SYTL1: variants seen among roughly 807,000 people sequenced by gnomAD.
SYTL1 encodes the protein synaptotagmin-like protein 1.
A neutral mutation model predicts 74.6 loss-of-function variants in SYTL1; 53 were observed. That is an observed-to-expected ratio of 0.71 (90% CI 0.57 to 0.89). SYTL1 has a LOEUF of 0.89. SYTL1 is among the 40% of genes least tolerant of loss of function. The pLI, the probability that SYTL1 is intolerant of heterozygous loss-of-function variation, is 0.00. For missense variants in SYTL1, 728 were observed against 768.7 expected, an observed-to-expected ratio of 0.95 and a Z score of 0.63; for synonymous variants, 329 against 324.9, an observed-to-expected ratio of 1.01 and a Z score of -0.14.
intron 14 of SYTL1, 44 bp downstream of exon 14, chr1:27,353,532 G>C (rs1208209441): frequency 6.4e-7 from 1 of 1,564,246 alleles, no homozygotes; most frequent in Admixed American, 1.9e-5. Flanking sequence ...GACAGGCCCT[G>C]GGAGATGGGG....
intron 14 of SYTL1, 89 bp from the exon 15 acceptor site, chr1:27,353,624 C>G: frequency 1.3e-6 from 2 of 1,560,408 alleles, no homozygotes; most frequent in Non-Finnish European, 1.7e-6. Context: ...TAACGGGGGA[C>G]AGTGCATAAT....
intron 8 of SYTL1, 29 bp downstream of exon 8, chr1:27,349,794 G>A: frequency 1.3e-6 from 2 of 1,567,590 alleles, no homozygotes; most frequent in Non-Finnish European, 1.7e-6. Context: ...GACCCGGGCG[G>A]CCGGGGGGTG....
Position 27,353,420 on chromosome 1 carries a change from T to C in SYTL1, c.1481T>C (p.Leu494Pro). The C allele has an allele frequency of 6.2e-7, 1 of 1,610,916 alleles. No individual in the cohort carries two copies. The highest frequency in any genetic ancestry group is 8.5e-7 in the Non-Finnish European group (1 of 1,179,140). The change falls in exon 14 of 15, where the codon CTC becomes CCC. Residue 494 changes from leucine (L) to proline (P), a missense_variant. Coordinates refer to ENST00000616558, the MANE Select transcript of SYTL1 (RefSeq NM_001193308.2). ...PADLRQACAELSLWDHGALAN... is the reference protein window; with the variant it reads ...PADLRQACAEPSLWDHGALAN... ...GACCTGCGCCAGGCTTGTGCCGAGC[T>C]CTCCCTCTGGGACCATGGGGCCCTG...
chr1:27,353,005 C>T (rs878983891), intron 13 of SYTL1: 10 of 428,972 alleles, frequency 2.3e-5, no homozygotes, highest in South Asian at 1.2e-4. Context: ...AGGCTGGTCT[C>T]GAACTTCTGA....
intron 1 of SYTL1, among the ~76,000 whole-genome samples, chr1:27,344,385 G>T (rs1444409085): frequency 1.3e-5 from 2 of 151,984 alleles, no homozygotes; most frequent in Non-Finnish European, 2.9e-5. Flanking sequence ...TTACAGGGGT[G>T]AGCCACTGTA....
Position 27,345,258 on chromosome 1 carries a change from T to G in SYTL1, c.-38-39T>G. On this transcript the variant is annotated intron_variant, in intron 1 of 14. Coordinates refer to ENST00000616558, the MANE Select transcript of SYTL1 (RefSeq NM_001193308.2). The surrounding 1 kb of genome is among the most constrained non-coding windows in gnomAD (Gnocchi z 6.0). ...TGTTGGTTCTAGGATGTGCCAAGCA[T>G]TTGTGCAGGGCTTGACCTGACCCTC... The G allele has an allele frequency of 8.7e-7, 1 of 1,142,890 alleles. No individual in the cohort carries two copies. Among genetic ancestry groups the G allele is most frequent in the Non-Finnish European group, 1.2e-6 (1 of 833,656 alleles). The allele number at this position is 1,142,890 out of a possible 1,614,324, so 70.8% of individuals were successfully genotyped here. A position where few individuals can be genotyped will look rare whatever the true frequency, so the allele number is the denominator to read the frequency against.
rs1482787849 is a variant in SYTL1 at position 27,351,451 on chromosome 1, C to T, written c.1244-5C>T. 1.3e-6 allele frequency: 2 copies of T among 1,523,220 alleles called. No individual in the cohort carries two copies. The highest frequency in any genetic ancestry group is 8.8e-7 in the Non-Finnish European group (1 of 1,132,684). 94.4% of individuals were successfully genotyped at this position (1,523,220 alleles called of 1,614,324 possible). A position where few individuals can be genotyped will look rare whatever the true frequency, so the allele number is the denominator to read the frequency against. On this transcript the variant is annotated splice_region_variant and splice_polypyrimidine_tract_variant and intron_variant, in intron 12 of 14. Transcript: ENST00000616558. The surrounding 1 kb of genome is among the most constrained non-coding windows in gnomAD (Gnocchi z 5.0). ...TGTGCGGGCCTGAGCCGAGCCTCTC[C>T]GCAGGCGCAGGACTGCCCCCGAGCG... is the stretch of plus-strand genomic sequence containing the variant.
chr1:27,349,376 A>G, intron 6 of SYTL1, 22 bp from the exon 7 acceptor site: 1 of 1,444,946 alleles, frequency 6.9e-7, no homozygotes, highest in Non-Finnish European at 9.1e-7. Context: ...GGGCTCGCTT[A>G]GCATCTCGTG....
rs41291088 is a variant in SYTL1, at chr1:27,342,195, G to A, written c.-39+45G>A. The A allele has an allele frequency of 0.012, 3,100 of 254,478 alleles. 22 individuals are homozygous for A. The highest frequency in any genetic ancestry group is 0.016 in the Non-Finnish European group (2,665 of 161,646). 15.8% of individuals were successfully genotyped at this position (254,478 alleles called of 1,614,324 possible). A position where few individuals can be genotyped will look rare whatever the true frequency, so the allele number is the denominator to read the frequency against. ...GGGTCCCCTGCCAGGGTCCAGAGACGCAGGCACTGCCACCTGGTATCCTGA... is the reference window on the plus strand; with the variant it reads ...GGGTCCCCTGCCAGGGTCCAGAGACACAGGCACTGCCACCTGGTATCCTGA... On this transcript the variant is annotated intron_variant, in intron 1 of 14. Transcript: ENST00000616558. This position sits in a 1 kb window ranked among gnomAD's most constrained non-coding sequence, Gnocchi z 4.7.
In SYTL1 at chr1:27,350,605, T is replaced by C; in HGVS notation, c.1005+120T>C. 1 of 1,076,522 alleles carries C rather than the reference T, an allele frequency of 9.3e-7. No homozygotes were observed. Among genetic ancestry groups the C allele is most frequent in the Non-Finnish European group, 1.4e-6 (1 of 738,994 alleles). 66.7% of individuals were successfully genotyped at this position (1,076,522 alleles called of 1,614,324 possible). On this transcript the variant is annotated intron_variant, in intron 10 of 14. Transcript: ENST00000616558. This position sits in a 1 kb window ranked among gnomAD's most constrained non-coding sequence, Gnocchi z 6.3. ...CCGGAGGATCGGCGGAGGGGGCCCA[T>C]TAACTCGTTATCCAGTGTTGTCAGC...
chr1:27,353,335 C>T lies in SYTL1; in HGVS notation c.1396C>T (p.Arg466Ter), dbSNP rs751730523. The change falls in exon 14 of 15, where the codon CGA (arginine) becomes TGA (stop). Residue 466 changes from arginine (R) to a stop codon, truncating the protein, a stop_gained. Transcript: ENST00000616558. LOFTEE classifies it high-confidence loss of function. Reference protein sequence around the residue: ...QASRQRTRVVRRSLSPVFNHT... With the variant: ...QASRQRTRVV ...CAGCCGCCAGCGTACAAGGGTTGTG[C>T]GACGCAGCCTCAGCCCTGTGTTCAA... The T allele has an allele frequency of 1.9e-5, 31 of 1,608,404 alleles. No individual in the cohort carries two copies. The highest frequency in any genetic ancestry group is 3.4e-5 in the Admixed American group (2 of 59,460).
At chr1:27,353,658 G>A (rs2015381526) in intron 14 of SYTL1, 55 bp from the exon 15 acceptor site, 2 of 1,586,514 alleles carry the variant, frequency 1.3e-6, no homozygotes, top group Admixed American at 1.7e-5. Context: ...GGTGTTTGGG[G>A]GCCCCAAGGT....
At position 27,349,661 on chromosome 1, in the gene SYTL1, G is replaced by A. The variant is rs1189507768; in HGVS notation, c.643G>A (p.Ala215Thr). The A allele has an allele frequency of 6.2e-7, 1 of 1,608,668 alleles. No homozygotes were observed. Among genetic ancestry groups the A allele is most frequent in the Non-Finnish European group, 8.5e-7 (1 of 1,178,198 alleles). The change falls in exon 8 of 15, where the codon GCG becomes ACG. Residue 215 changes from alanine to threonine, a missense_variant. Physicochemically the swap from Ala to Thr is moderately conservative, Grantham distance 58. Coordinates refer to ENST00000616558, the MANE Select transcript of SYTL1 (RefSeq NM_001193308.2). ...PRPQQAQTKA[A>T]SQILENGEEA... ...CTTGCCCCCTCTGCAGACCAAGGCC[G>A]CGTCCCAGATCCTGGAGAATGGGGA... is the stretch of plus-strand genomic sequence containing the variant.
chr1:27,353,212 G>A (rs2015348670), intron 13 of SYTL1, 71 bp from the exon 14 acceptor site: 3 of 1,442,398 alleles, frequency 2.1e-6, no homozygotes, highest in Non-Finnish European at 2.9e-6. Context: ...GAGAATGAGT[G>A]GGACGTGGTG....
Position 27,345,229 on chromosome 1 carries a change from G to A in SYTL1, c.-38-68G>A. On this transcript the variant is annotated intron_variant, in intron 1 of 14. Transcript: ENST00000616558. This position sits in a 1 kb window ranked among gnomAD's most constrained non-coding sequence, Gnocchi z 6.0. ...CCCGGCCAAGTGTTTGGGGAGAAAAGGGCTGTTGGTTCTAGGATGTGCCAA... is the reference window on the plus strand; with the variant it reads ...CCCGGCCAAGTGTTTGGGGAGAAAAAGGCTGTTGGTTCTAGGATGTGCCAA... The A allele has an allele frequency of 1.2e-6, 1 of 861,368 alleles. No individual in the cohort carries two copies. The highest frequency in any genetic ancestry group is 2.1e-5 in the South Asian group (1 of 47,438). 53.4% of individuals were successfully genotyped at this position (861,368 alleles called of 1,614,324 possible).
At chr1:27,346,174 G>T in intron 2 of SYTL1, among the ~76,000 whole-genome samples, 1 of 152,034 alleles carries the variant, frequency 6.6e-6, no homozygotes, top group South Asian at 2.1e-4. Flanking sequence ...CTCCCTGGTC[G>T]GTCCTTGCCA....
intron 8 of SYTL1, 77 bp downstream of exon 8, chr1:27,349,842 T>C (rs1363393890): frequency 2.0e-6 from 3 of 1,537,446 alleles, no homozygotes; most frequent in African/African-American, 1.4e-5. Flanking sequence ...TGCCCCTCCC[T>C]CGCCGCGGGA....
At position 27,351,066 on chromosome 1, in the gene SYTL1, C is replaced by G. The variant is rs1313798722; in HGVS notation, c.1164+114C>G. ...GCCTTCGACAGAACCTCCCCTCAAC[C>G]TCTTAACCTCATGGCCCCAGGCGAA... On this transcript the variant is annotated intron_variant, in intron 11 of 14. Coordinates refer to ENST00000616558, the MANE Select transcript of SYTL1 (RefSeq NM_001193308.2). This position sits in a 1 kb window ranked among gnomAD's most constrained non-coding sequence, Gnocchi z 5.0. 3 of 1,387,098 alleles carry G rather than the reference C, an allele frequency of 2.2e-6. No homozygotes were observed. Among genetic ancestry groups the G allele is most frequent in the Non-Finnish European group, 2.9e-6 (3 of 1,019,392 alleles). The allele number at this position is 1,387,098 out of a possible 1,614,324, so 85.9% of individuals were successfully genotyped here.
chr1:27,347,777 G>C lies in SYTL1; in HGVS notation c.341-31G>C. ...GTCACAGCCAGGCTTCCTGAGCATGGGGGCTCACAGAACTTCTCACCTGCG... is the reference window on the plus strand; with the variant it reads ...GTCACAGCCAGGCTTCCTGAGCATGCGGGCTCACAGAACTTCTCACCTGCG... On this transcript the variant is annotated intron_variant, in intron 3 of 14. Transcript: ENST00000616558. This position sits in a 1 kb window ranked among gnomAD's most constrained non-coding sequence, Gnocchi z 4.9. 1 of 1,601,908 alleles carries C rather than the reference G, an allele frequency of 6.2e-7. No homozygotes were observed. Among genetic ancestry groups the C allele is most frequent in the Non-Finnish European group, 8.5e-7 (1 of 1,173,782 alleles).
Sources: gnomAD v4.1 joint callset for allele counts (sites outside exome capture counted in the v4.1 genomes callset) on GRCh38, gnomAD v4.1.1 for gene constraint, Gnocchi (gnomAD v3.1) non-coding constraint, MANE v1.5 for transcripts, NCBI Gene and HGNC (gene_info 2026-07-23, HGNC 2026-07-21) for gene names.